Variants in C12orf50 observed in about 807,000 individuals in gnomAD.
C12orf50 encodes zinc finger CCCH-type containing 11D.
Under a neutral mutation model 61.6 loss-of-function variants are expected in C12orf50, and 35 were observed. That is an observed-to-expected ratio of 0.57 (90% CI 0.43 to 0.75). C12orf50 has a LOEUF of 0.75. Ranked by LOEUF, C12orf50 falls within the 30% of genes least tolerant of loss-of-function variation. The probability of loss-of-function intolerance (pLI) is 0.00; values close to 1 mark genes in which losing one functional copy is unlikely to be tolerated. For synonymous variants in C12orf50, 178 were observed against 161.5 expected (o/e 1.10, Z -0.77); for missense variants, 475 against 488.5 (o/e 0.97, Z 0.26).
At chr12:88,006,855 G>C (rs1226530896) in intron 3 of C12orf50, among the ~76,000 whole-genome samples, 1 of 152,206 alleles carries the variant, frequency 6.6e-6, no homozygotes, top group African/African-American at 2.4e-5. Context: ...TCAGAGTAGA[G>C]CTTCTGTCAC....
In C12orf50 at chr12:88,007,941, G is replaced by A. The variant is rs142146214; in HGVS notation, c.134-9751C>T. Among the ~76,000 whole-genome samples, 77 of 151,948 alleles carry A rather than the reference G, an allele frequency of 5.1e-4. No individual in the cohort carries two copies. In the East Asian group the frequency reaches 8.9e-3, roughly 18 times the overall value. On this transcript the variant is annotated intron_variant, in intron 3 of 12. Transcript: ENST00000298699. ...GAACTTTATCATCGTTTAAAAAAAT[G>A]AAAATTTAAATTTATATATATTTTT...
intron 11 of C12orf50, chr12:87,985,493 T>C (rs1210396544): frequency 4.5e-6 from 1 of 221,008 alleles, no homozygotes; most frequent in Non-Finnish European, 8.9e-6. Flanking sequence ...GGCACTAGCC[T>C]GACAGTGAAA....
Position 88,017,217 on chromosome 12 carries a change from T to C in C12orf50, c.133+9271A>G, listed in dbSNP as rs539874798. Among the ~76,000 whole-genome samples, 145 of 152,274 alleles carry C rather than the reference T, an allele frequency of 9.5e-4. 1 individual carries two copies. Among genetic ancestry groups the C allele is most frequent in the African/African-American group, 3.4e-3 (141 of 41,558 alleles). On this transcript the variant is annotated intron_variant, in intron 3 of 12. Transcript: ENST00000298699. ...ATGGAAGGAACCTGGTGAGAGGTAA[T>C]TGAATCATGGGGGCGGGTCTTTTCT...
At chr12:88,026,774 G>A (rs2032723375) in intron 2 of C12orf50, among the ~76,000 whole-genome samples, 166 bp from the exon 3 acceptor site, 2 of 152,202 alleles carry the variant, frequency 1.3e-5, no homozygotes, top group South Asian at 2.1e-4. Flanking sequence ...CTATTCAAAA[G>A]ATGGAATGGG....
intron 11 of C12orf50, chr12:87,983,573 G>A (rs148832189): frequency 0.19 from 29,425 of 152,054 alleles, 4,830 homozygotes; most frequent in African/African-American, 0.45. Context: ...CCAGAGTGTG[G>A]TGTTCCCCTT....
At chr12:87,984,463 T>G (rs1345948566) in intron 11 of C12orf50, 1 of 152,102 alleles carries the variant, frequency 6.6e-6, no homozygotes, top group Non-Finnish European at 1.5e-5. Flanking sequence ...GAGCTTTTAT[T>G]TAAAAACTGT....
At chr12:87,998,617 G>A (rs976656467) in intron 3 of C12orf50, among the ~76,000 whole-genome samples, 1 of 152,050 alleles carries the variant, frequency 6.6e-6, no homozygotes, top group Non-Finnish European at 1.5e-5. Context: ...TAATCTATAG[G>A]TATGATACAA....
chr12:88,018,074 C>A (rs991774672), intron 3 of C12orf50, among the ~76,000 whole-genome samples: 3 of 152,132 alleles, frequency 2.0e-5, no homozygotes, highest in African/African-American at 7.2e-5. Context: ...AATGTTAATC[C>A]CCAAGATAAT....
chr12:87,995,339 G>T, intron 6 of C12orf50, among the ~76,000 whole-genome samples: 1 of 152,086 alleles, frequency 6.6e-6, no homozygotes, highest in Non-Finnish European at 1.5e-5. Context: ...TGTGGGAAAA[G>T]AAGGTTATAA....
At chr12:88,004,349 C>G (rs2031771607) in intron 3 of C12orf50, among the ~76,000 whole-genome samples, 1 of 152,100 alleles carries the variant, frequency 6.6e-6, no homozygotes, top group Non-Finnish European at 1.5e-5. Flanking sequence ...CAATGAGATA[C>G]TATCTCACAC....
In C12orf50 at chr12:87,996,621, G is replaced by C. The variant is rs747255356; in HGVS notation, c.315C>G (p.Thr105=). ...CTCTTTTTTCTTCAATTTCTTCAGG[G>C]GTCTTTGTCCATAAACTAGAAGCAT... is the stretch of plus-strand genomic sequence containing the variant. ...QNDASSLWTK[T]PEEIEEKRAI... The change falls in exon 5 of 13, where the codon ACC becomes ACG. Residue 105 remains threonine, a synonymous_variant. Coordinates refer to ENST00000298699, the MANE Select transcript of C12orf50 (RefSeq NM_152589.3). 3 of 1,609,266 alleles carry C rather than the reference G, an allele frequency of 1.9e-6. No individual in the cohort carries two copies. Among genetic ancestry groups the C allele is most frequent in the South Asian group, 2.2e-5 (2 of 90,950 alleles).
At chr12:87,993,419 C>A (rs28419357) in intron 7 of C12orf50, among the ~76,000 whole-genome samples, 17,387 of 152,194 alleles carry the variant, frequency 0.11, 1,173 homozygotes, top group African/African-American at 0.18. Context: ...GGAGAGACTG[C>A]CAGTGTTTCT....
At chr12:88,014,508 C>G (rs533805949) in intron 3 of C12orf50, among the ~76,000 whole-genome samples, 1 of 152,194 alleles carries the variant, frequency 6.6e-6, no homozygotes, top group Non-Finnish European at 1.5e-5. Flanking sequence ...ACCGTATGAG[C>G]CAGGATGGTC....
rs1405152274 is a variant in C12orf50 at position 87,997,574 on chromosome 12, C to G, written c.289+461G>C. Among the ~76,000 whole-genome samples the G allele has an allele frequency of 1.2e-4, 18 of 152,092 alleles. 1 individual carries two copies. Among genetic ancestry groups the G allele is most frequent in the Non-Finnish European group, 5.9e-5 (4 of 68,022 alleles). ...TTATCCCTCCCCTGGCCCTCCACCC[C>G]ACAACAGGCCCTAGTGTGTGACATT... On this transcript the variant is annotated intron_variant, in intron 4 of 12. Transcript: ENST00000298699.
chr12:88,021,854 C>A (rs1008889247), intron 3 of C12orf50, among the ~76,000 whole-genome samples: 1 of 151,868 alleles, frequency 6.6e-6, no homozygotes, highest in Non-Finnish European at 1.5e-5. Context: ...TAAGAAAAAG[C>A]CTACCAACCA....
chr12:88,029,445 A>G (rs1424797877), upstream of C12orf50: 1 of 159,724 alleles, frequency 6.3e-6, no homozygotes, highest in Non-Finnish European at 1.4e-5. Context: ...TGCTCATCAT[A>G]AATGACCTCA....
At chr12:88,017,081 A>G (rs779541058) in intron 3 of C12orf50, among the ~76,000 whole-genome samples, 23 of 152,246 alleles carry the variant, frequency 1.5e-4, no homozygotes, top group Non-Finnish European at 2.6e-4. Flanking sequence ...AAAAGCAAGT[A>G]TACAGTATGA....
intron 3 of C12orf50, among the ~76,000 whole-genome samples, chr12:88,001,182 C>T (rs11104714): frequency 0.17 from 25,764 of 151,486 alleles, 3,699 homozygotes; most frequent in African/African-American, 0.39. Flanking sequence ...CTGTTTCTAG[C>T]TTGTGGAATA....
At chr12:88,004,488 G>C (rs1403947055) in intron 3 of C12orf50, among the ~76,000 whole-genome samples, 1 of 152,186 alleles carries the variant, frequency 6.6e-6, no homozygotes, top group Non-Finnish European at 1.5e-5. Context: ...AGAGCAGTTT[G>C]GCAATTTCTC....
Sources: allele counts gnomAD v4.1 joint callset (sites outside exome capture counted in the v4.1 genomes callset), GRCh38; gene constraint gnomAD v4.1.1; transcripts MANE v1.5; gene names NCBI Gene and HGNC (gene_info 2026-07-23, HGNC 2026-07-21).